NRXN3: variants seen among roughly 807,000 people sequenced by gnomAD.
The protein encoded by NRXN3 is neurexin III.
In NRXN3, 32 loss-of-function variants were observed where a neutral mutation model predicts 137.6. That is an observed-to-expected ratio of 0.23 (90% CI 0.18 to 0.31). NRXN3 has a LOEUF of 0.31. Ranked by LOEUF, NRXN3 falls within the 10% of genes least tolerant of loss-of-function variation. The probability of loss-of-function intolerance (pLI) is 1.00; values close to 1 mark genes in which losing one functional copy is unlikely to be tolerated. For synonymous variants in NRXN3, 798 were observed against 784.5 expected, an observed-to-expected ratio of 1.02 and a Z score of -0.29; for missense variants, 1,574 against 2,062.5, an observed-to-expected ratio of 0.76 and a Z score of 4.59.
At chr14:78,988,652 G>A (rs1204411353) in intron 15 of NRXN3, among the ~76,000 whole-genome samples, 1 of 152,110 alleles carries the variant, frequency 6.6e-6, no homozygotes, top group Non-Finnish European at 1.5e-5. Context: ...TTTACAATTA[G>A]CAAAGCTTAA....
intron 15 of NRXN3, among the ~76,000 whole-genome samples, chr14:79,131,333 T>C (rs2057438054): frequency 1.3e-5 from 2 of 152,050 alleles, no homozygotes; most frequent in African/African-American, 2.4e-5. Context: ...TCTTTGATGA[T>C]GGTGATGTAC....
chr14:78,439,119 G>A (rs956161549), intron 4 of NRXN3, among the ~76,000 whole-genome samples: 7 of 152,264 alleles, frequency 4.6e-5, no homozygotes, highest in African/African-American at 1.7e-4. Context: ...GATCATGTTT[G>A]TAGGGAGAGG....
At chr14:79,508,390 A>ATTTCTGATTTTTTTTTTTTTTTTTT (rs1555494789) in intron 16 of NRXN3, among the ~76,000 whole-genome samples, 4 of 48,240 alleles carry the variant, frequency 8.3e-5, no homozygotes, top group African/African-American at 2.9e-4. Flanking sequence ...ACAATAACTG[A>ATTTCTGATTTTTTTTTTTTTTTTTT]TTTTTTTTTT....
At chr14:79,314,142 C>T (rs1202652006) in intron 15 of NRXN3, 1 of 150,612 alleles carries the variant, frequency 6.6e-6, no homozygotes, top group African/African-American at 2.5e-5. Context: ...TCTGCATTTC[C>T]ATCTGAGGTA....
intron 4 of NRXN3, among the ~76,000 whole-genome samples, chr14:78,436,430 G>T (rs902386899): frequency 2.6e-5 from 4 of 152,308 alleles, no homozygotes; most frequent in African/African-American, 9.6e-5. Flanking sequence ...TTGCTTTACA[G>T]ATCAGGAAAC....
intron 4 of NRXN3, among the ~76,000 whole-genome samples, chr14:78,360,728 T>C (rs964191079): frequency 1.3e-5 from 2 of 152,232 alleles, no homozygotes; most frequent in Admixed American, 6.5e-5. Context: ...TTTTAAAATA[T>C]ATTTACATTT....
At chr14:79,237,258 G>T (rs2073538629) in intron 15 of NRXN3, among the ~76,000 whole-genome samples, 1 of 152,090 alleles carries the variant, frequency 6.6e-6, no homozygotes, top group South Asian at 2.1e-4. Flanking sequence ...AAGGATCAGA[G>T]CTTGCCCAGT....
At chr14:79,324,998 T>C (rs2090637619) in intron 15 of NRXN3, among the ~76,000 whole-genome samples, 1 of 152,208 alleles carries the variant, frequency 6.6e-6, no homozygotes, top group Non-Finnish European at 1.5e-5. Context: ...CAGTGCAGTG[T>C]GAATCCTGCA....
chr14:78,350,718 G>A (rs1159505083), intron 4 of NRXN3, among the ~76,000 whole-genome samples: 2 of 152,146 alleles, frequency 1.3e-5, no homozygotes, highest in Non-Finnish European at 2.9e-5. Flanking sequence ...GAGGCAGGGG[G>A]CTCATTAATG....
intron 1 of NRXN3, among the ~76,000 whole-genome samples, chr14:78,233,688 CAAAA>C: frequency 8.5e-6 from 1 of 117,594 alleles, no homozygotes; most frequent in South Asian, 2.9e-4. Flanking sequence ...AAGTATGCTT[CAAAA>C]AAAAAAAAAA....
intron 15 of NRXN3, among the ~76,000 whole-genome samples, chr14:79,238,867 C>T (rs2073855253): frequency 6.6e-6 from 1 of 152,076 alleles, no homozygotes; most frequent in African/African-American, 2.4e-5. Context: ...TCATAGCTAG[C>T]ATTTCTTTGT....
intron 15 of NRXN3, among the ~76,000 whole-genome samples, chr14:79,238,720 A>T (rs901199946): frequency 2.0e-5 from 3 of 152,146 alleles, no homozygotes; most frequent in Non-Finnish European, 4.4e-5. Flanking sequence ...CTTCTAAGGC[A>T]GGTGGTTTCT....
chr14:78,670,132 T>A (rs1464499805), intron 6 of NRXN3, among the ~76,000 whole-genome samples: 1 of 152,054 alleles, frequency 6.6e-6, no homozygotes, highest in African/African-American at 2.4e-5. Flanking sequence ...GATTTTGTGA[T>A]AGTTTGGTGA....
At chr14:78,791,097 A>G (rs1222204336) in intron 8 of NRXN3, among the ~76,000 whole-genome samples, 1 of 152,178 alleles carries the variant, frequency 6.6e-6, no homozygotes, top group African/African-American at 2.4e-5. Flanking sequence ...CTCTTCCTAC[A>G]GTCCATTTTC....
At chr14:79,421,081 G>A (rs11159409) in intron 15 of NRXN3, among the ~76,000 whole-genome samples, 51 of 152,126 alleles carry the variant, frequency 3.4e-4, no homozygotes, top group African/African-American at 1.2e-3. Flanking sequence ...GTATTTTAGG[G>A]GAAATGATAA....
chr14:78,544,643 A>G (rs1322910981), intron 4 of NRXN3, among the ~76,000 whole-genome samples: 7 of 152,244 alleles, frequency 4.6e-5, no homozygotes, highest in Admixed American at 3.3e-4. Flanking sequence ...CCAGGGTCCC[A>G]TAGTTAATAG....
chr14:79,858,983 AAAG>A (rs1284570163), intron 20 of NRXN3, among the ~76,000 whole-genome samples: 884 of 30,730 alleles, frequency 0.029, 18 homozygotes, highest in African/African-American at 0.094. Context: ...AATGTAAAAA[AAAG>A]AAAAAAAAAA....
intron 15 of NRXN3, among the ~76,000 whole-genome samples, chr14:79,189,773 A>G (rs2064032706): frequency 6.6e-6 from 1 of 152,162 alleles, no homozygotes; most frequent in Non-Finnish European, 1.5e-5. Flanking sequence ...GCAATCCTAC[A>G]TTATTTCATG....
intron 14 of NRXN3, among the ~76,000 whole-genome samples, chr14:78,978,019 A>T (rs760955924): frequency 1.3e-5 from 2 of 152,214 alleles, no homozygotes; most frequent in Non-Finnish European, 2.9e-5. Context: ...ATCCATGGCC[A>T]TAACCAATTT....
Sources: allele counts gnomAD v4.1 joint callset (sites outside exome capture counted in the v4.1 genomes callset), GRCh38; gene constraint gnomAD v4.1.1; transcripts MANE v1.5; gene names NCBI Gene and HGNC (gene_info 2026-07-23, HGNC 2026-07-21).